The following NFKBIB variants were observed in gnomAD, a reference collection of about 807,000 sequenced individuals.
NFKBIB encodes NF-kappa-B inhibitor beta.
NFKBIB carries 16 observed loss-of-function variants against 32.1 expected under a neutral mutation model. That is an observed-to-expected ratio of 0.50 (90% CI 0.34 to 0.76). NFKBIB has a LOEUF of 0.76. Ranked by LOEUF, NFKBIB falls within the 30% of genes least tolerant of loss-of-function variation. The probability of loss-of-function intolerance (pLI) is 0.01; values close to 1 mark genes in which losing one functional copy is unlikely to be tolerated. For missense variants in NFKBIB, 437 were observed against 514.9 expected (o/e 0.85, Z 1.46); for synonymous variants, 222 against 219.5 (o/e 1.01, Z -0.10).
At chr19:38,902,711 A>G (rs187815932) in intron 1 of NFKBIB, among the ~76,000 whole-genome samples, 3 of 152,374 alleles carry the variant, frequency 2.0e-5, no homozygotes, top group African/African-American at 7.2e-5. Context: ...TTGGAACGCA[A>G]GCAAGCTCAC....
upstream of NFKBIB, chr19:38,899,873 GA>G: frequency 1.3e-6 from 1 of 771,442 alleles, no homozygotes. Flanking sequence ...GATTGGTCAG[GA>G]TGCAGTACGA....
chr19:38,903,132 T>C (rs1219293851), intron 1 of NFKBIB, among the ~76,000 whole-genome samples: 1 of 151,900 alleles, frequency 6.6e-6, no homozygotes, highest in East Asian at 1.9e-4. Flanking sequence ...AGAAACCATA[T>C]GACCTACAAA....
chr19:38,905,017 C>T lies in NFKBIB; in HGVS notation c.182C>T (p.Ala61Val). The change falls in exon 2 of 6, where the codon GCA becomes GTA. Residue 61 changes from alanine to valine, a missense_variant and splice_region_variant. Coordinates refer to ENST00000313582, the MANE Select transcript of NFKBIB (RefSeq NM_002503.5). The surrounding 1 kb of genome is among the most constrained non-coding windows in gnomAD (Gnocchi z 5.5). ...CTCACCCCGGTCTTTGTCCCCAGGG[C>T]ACTGCACTTGGCTGTGATTCATCAG... ...FGYVTEDGDTALHLAVIHQHE... is the reference protein window; with the variant it reads ...FGYVTEDGDTVLHLAVIHQHE... 1.2e-6 allele frequency: 2 copies of T among 1,614,044 alleles called. No individual in the cohort carries two copies. The highest frequency in any genetic ancestry group is 1.7e-6 in the Non-Finnish European group (2 of 1,179,924).
chr19:38,905,347 G>T lies in NFKBIB; in HGVS notation c.431G>T (p.Arg144Leu). ...ACRVGAHACA[R>L]ALLQPRPRRP... is the part of the protein sequence containing the mutation. ...CGTGTGGGGGCACACGCCTGTGCCC[G>T]TGCCCTGCTTCAGCCCCGCCCCCGG... Residue 144 changes from arginine (R) to leucine (L), a missense_variant, in exon 3 of 6, where the codon CGT becomes CTT. Arg to Leu is a moderately radical substitution (Grantham distance 102, BLOSUM62 -2). Transcript: ENST00000313582. This position sits in a 1 kb window ranked among gnomAD's most constrained non-coding sequence, Gnocchi z 5.5. The T allele has an allele frequency of 4.3e-6, 7 of 1,611,248 alleles. No individual in the cohort carries two copies. The highest frequency in any genetic ancestry group is 5.9e-6 in the Non-Finnish European group (7 of 1,179,154).
upstream of NFKBIB, chr19:38,899,854 G>A (rs1973880734): frequency 2.7e-6 from 2 of 742,274 alleles, no homozygotes; most frequent in South Asian, 1.8e-5. Context: ...TAGTCCTCCC[G>A]AATACTCTGA....
chr19:38,901,503 T>C lies in NFKBIB; in HGVS notation c.179+1292T>C, dbSNP rs115443618. Among the ~76,000 whole-genome samples, 827 of 152,112 alleles carry C rather than the reference T, an allele frequency of 5.4e-3. 7 individuals are homozygous for C. Among genetic ancestry groups the C allele is most frequent in the African/African-American group, 0.019 (787 of 41,464 alleles). The stretch of plus-strand genomic sequence containing the variant: ...TCCCCCTATGTTCTCAAACTCTTTT[T>C]TTTTTTTTGAGACAGAGTCTTGTTC... On this transcript the variant is annotated intron_variant, in intron 1 of 5. Coordinates refer to ENST00000313582, the MANE Select transcript of NFKBIB (RefSeq NM_002503.5).
In NFKBIB at chr19:38,905,242, C is replaced by T. The variant is rs139372587; in HGVS notation, c.326C>T (p.Thr109Met). Reference sequence around the variant, plus strand: ...GCAGCCATCCTGGGGGAGACATCCACGGTGGAGAAGCTGTACGCAGCAGGC... The same window carrying T: ...GCAGCCATCCTGGGGGAGACATCCATGGTGGAGAAGCTGTACGCAGCAGGC... ...HLAAILGETS[T>M]VEKLYAAGAG... The change falls in exon 3 of 6, where the codon ACG becomes ATG. Residue 109 changes from threonine to methionine, a missense_variant. By Grantham distance (81) the Thr-to-Met change is moderately conservative (BLOSUM62 -1). Coordinates refer to ENST00000313582, the MANE Select transcript of NFKBIB (RefSeq NM_002503.5). The surrounding 1 kb of genome is among the most constrained non-coding windows in gnomAD (Gnocchi z 5.5). The T allele has an allele frequency of 2.1e-5, 33 of 1,589,352 alleles. No individual in the cohort carries two copies. Among genetic ancestry groups the T allele is most frequent in the South Asian group, 5.7e-5 (5 of 87,180 alleles).
intron 3 of NFKBIB, among the ~76,000 whole-genome samples, chr19:38,906,356 C>T (rs937766362): frequency 2.6e-5 from 4 of 151,222 alleles, no homozygotes; most frequent in Non-Finnish European, 5.9e-5. Context: ...GTTGACCAGG[C>T]TGGTCTTGAA....
rs1241533360 is a variant in NFKBIB at position 38,905,594 on chromosome 19, TG to T, written c.619+62del. ...TGGGCTAGGCGAGAGCACCTGGCCCTGGGCTCAGCTTCCCTGATTTGAGACT... is the reference window on the plus strand; with the variant it reads ...TGGGCTAGGCGAGAGCACCTGGCCCTGGCTCAGCTTCCCTGATTTGAGACT... On this transcript the variant is annotated intron_variant, in intron 3 of 5. Coordinates refer to ENST00000313582, the MANE Select transcript of NFKBIB (RefSeq NM_002503.5). This position sits in a 1 kb window ranked among gnomAD's most constrained non-coding sequence, Gnocchi z 5.5. 1 of 1,346,878 alleles carries T rather than the reference TG, an allele frequency of 7.4e-7. No homozygotes were observed. Among genetic ancestry groups the T allele is most frequent in the Admixed American group, 2.2e-5 (1 of 44,960 alleles). The allele number at this position is 1,346,878 out of a possible 1,614,324, so 83.4% of individuals were successfully genotyped here. A position where few individuals can be genotyped will look rare whatever the true frequency, so the allele number is the denominator to read the frequency against.
chr19:38,901,833 G>C (rs1973975056), intron 1 of NFKBIB, among the ~76,000 whole-genome samples: 1 of 151,874 alleles, frequency 6.6e-6, no homozygotes, highest in Non-Finnish European at 1.5e-5. Context: ...TTCCCACCTT[G>C]GCCTCCCAAA....
intron 1 of NFKBIB, among the ~76,000 whole-genome samples, chr19:38,902,236 T>C (rs1420443602): frequency 6.6e-6 from 1 of 151,876 alleles, no homozygotes; most frequent in East Asian, 1.9e-4. Flanking sequence ...ACCTGCCACT[T>C]CGCCTGGCTA....
In NFKBIB at chr19:38,908,054, A is replaced by G. The variant is rs993435025; in HGVS notation, c.969+395A>G. 3 of 1,071,394 alleles carry G rather than the reference A, an allele frequency of 2.8e-6. No homozygotes were observed. The Admixed American group carries it at 1.4e-4, about 52-fold the overall frequency. The allele number at this position is 1,071,394 out of a possible 1,614,324, so 66.4% of individuals were successfully genotyped here. On this transcript the variant is annotated intron_variant, in intron 5 of 5. Coordinates refer to ENST00000313582, the MANE Select transcript of NFKBIB (RefSeq NM_002503.5). ...ACCGGCAGTGCTGGGGCAGGACCCGAGCCAGCGGTGGGGAGAGATATAGTC... is the reference window on the plus strand; with the variant it reads ...ACCGGCAGTGCTGGGGCAGGACCCGGGCCAGCGGTGGGGAGAGATATAGTC...
rs145220553 is a variant in NFKBIB at position 38,905,078 on chromosome 19, G to T, written c.243G>T (p.Ser81=). 2.5e-6 allele frequency: 4 copies of T among 1,614,120 alleles called. No individual in the cohort carries two copies. The Admixed American group carries it at 6.7e-5, about 27-fold the overall frequency. ...EPFLDFLLGF[S]AGTEYMDLQN... ...TCCTGGATTTTCTTCTAGGCTTCTC[G>T]GCCGGCACTGAGTACATGGACCTGC... Residue 81 remains serine, a synonymous_variant, in exon 2 of 6, where the codon TCG becomes TCT. Transcript: ENST00000313582. This position sits in a 1 kb window ranked among gnomAD's most constrained non-coding sequence, Gnocchi z 5.5.
chr19:38,908,555 A>AG (rs1555741219), intron 5 of NFKBIB, 176 bp from the exon 6 acceptor site: 4,939 of 1,287,086 alleles, frequency 3.8e-3, no homozygotes, highest in East Asian at 0.019. Context: ...AAAAAAAAAA[A>AG]AAAGAAAGAA....
Position 38,905,519 on chromosome 19 carries a change from G to C in NFKBIB, c.603G>C (p.Glu201Asp). The C allele has an allele frequency of 1.9e-6, 3 of 1,609,510 alleles. No homozygotes were observed. Among genetic ancestry groups the C allele is most frequent in the Non-Finnish European group, 2.5e-6 (3 of 1,177,576 alleles). The change falls in exon 3 of 6, where the codon GAG (glutamate) becomes GAC (aspartate). Residue 201 changes from glutamate (E) to aspartate (D), a missense_variant. Glu to Asp is a conservative substitution (Grantham distance 45, BLOSUM62 2). Coordinates refer to ENST00000313582, the MANE Select transcript of NFKBIB (RefSeq NM_002503.5). This position sits in a 1 kb window ranked among gnomAD's most constrained non-coding sequence, Gnocchi z 5.5. ...ESEEDWKLQL[E>D]AENYEGHTPL... ...AGGAGGACTGGAAGCTGCAGCTGGAGGCTGAAAACTACGAGGGTGAGGGTC... is the reference window on the plus strand; with the variant it reads ...AGGAGGACTGGAAGCTGCAGCTGGACGCTGAAAACTACGAGGGTGAGGGTC...
Position 38,905,631 on chromosome 19 carries a change from G to C in NFKBIB, c.619+96G>C. The stretch of plus-strand genomic sequence containing the variant: ...CCCTGATTTGAGACTGAGCTCCTTG[G>C]GAAATCATGCCTAGGCTTCAGGAGC... On this transcript the variant is annotated intron_variant, in intron 3 of 5. Transcript: ENST00000313582. The surrounding 1 kb of genome is among the most constrained non-coding windows in gnomAD (Gnocchi z 5.5). 1 of 989,612 alleles carries C rather than the reference G, an allele frequency of 1.0e-6. No homozygotes were observed. 61.3% of individuals were successfully genotyped at this position (989,612 alleles called of 1,614,324 possible). A position where few individuals can be genotyped will look rare whatever the true frequency, so the allele number is the denominator to read the frequency against.
At position 38,905,115 on chromosome 19, in the gene NFKBIB, G is replaced by A; in HGVS notation, c.280G>A (p.Gly94Ser). 1 of 1,614,156 alleles carries A rather than the reference G, an allele frequency of 6.2e-7. No homozygotes were observed. Among genetic ancestry groups the A allele is most frequent in the Non-Finnish European group, 8.5e-7 (1 of 1,180,002 alleles). Residue 94 changes from glycine to serine, a missense_variant, in exon 2 of 6, where the codon GGC (glycine) becomes AGC (serine). Physicochemically the swap from Gly to Ser is moderately conservative, Grantham distance 56. Transcript: ENST00000313582. This position sits in a 1 kb window ranked among gnomAD's most constrained non-coding sequence, Gnocchi z 5.5. ...GTACATGGACCTGCAGAATGACCTA[G>A]GCCAGGTGAGCCACGAGGGATGGTG... ...TEYMDLQNDL[G>S]QTALHLAAIL...
chr19:38,906,043 C>T (rs563414632), intron 3 of NFKBIB, among the ~76,000 whole-genome samples: 40 of 152,222 alleles, frequency 2.6e-4, no homozygotes, highest in Admixed American at 2.5e-3. Context: ...GACCAGACCC[C>T]TCCTCAGATG....
In NFKBIB at chr19:38,906,273, T is replaced by C. The variant is rs1974114615; in HGVS notation, c.619+738T>C. Among the ~76,000 whole-genome samples the C allele has an allele frequency of 2.0e-5, 3 of 151,218 alleles. No homozygotes were observed. The South Asian group carries it at 6.3e-4, about 32-fold the overall frequency. ...CCTCAGCCTCCCGAGTAGCTGGGAT[T>C]ACAGGGATTACAGGCACATGCTACC... On this transcript the variant is annotated intron_variant, in intron 3 of 5. Coordinates refer to ENST00000313582, the MANE Select transcript of NFKBIB (RefSeq NM_002503.5).
Sources: allele counts gnomAD v4.1 joint callset (sites outside exome capture counted in the v4.1 genomes callset), GRCh38; gene constraint gnomAD v4.1.1; non-coding constraint Gnocchi (gnomAD v3.1); transcripts MANE v1.5; gene names NCBI Gene and HGNC (gene_info 2026-07-23, HGNC 2026-07-21).